The following PRKG1 variants were observed in gnomAD, a reference collection of about 807,000 sequenced individuals.
PRKG1 encodes cGMP-dependent protein kinase 1.
A neutral mutation model predicts 88.1 loss-of-function variants in PRKG1; 35 were observed. The observed-to-expected ratio is 0.40, with a 90% CI of 0.30 to 0.53. PRKG1 has a LOEUF of 0.53. Among genes scored for constraint, PRKG1 ranks in the 20% least tolerant of loss-of-function variants. PRKG1 has a pLI of 0.59. For synonymous variants in PRKG1, 303 were observed against 292.5 expected (o/e 1.04, Z -0.37); for missense variants, 540 against 839.8 (o/e 0.64, Z 4.41).
intron 2 of PRKG1, among the ~76,000 whole-genome samples, chr10:51,255,011 G>A (rs1839520707): frequency 1.3e-5 from 2 of 152,058 alleles, no homozygotes; most frequent in Non-Finnish European, 2.9e-5. Flanking sequence ...ATGGATGTAA[G>A]TGATGATTTT....
chr10:51,854,606 GA>G (rs1330723930), intron 4 of PRKG1, among the ~76,000 whole-genome samples: 2 of 151,880 alleles, frequency 1.3e-5, no homozygotes, highest in African/African-American at 4.8e-5. Flanking sequence ...AGTTAAGTGA[GA>G]AAAAAAGAAG....
intron 2 of PRKG1, among the ~76,000 whole-genome samples, chr10:51,186,954 TTATATATATATA>T (rs3061211): frequency 1.5e-5 from 2 of 131,254 alleles, no homozygotes; most frequent in East Asian, 4.2e-4. Flanking sequence ...AGGCCCTGTG[TTATATATATATA>T]TATATATATA....
At chr10:51,174,653 G>A (rs1001669439) in intron 2 of PRKG1, among the ~76,000 whole-genome samples, 6 of 151,938 alleles carry the variant, frequency 3.9e-5, no homozygotes, top group African/African-American at 9.7e-5. Flanking sequence ...TTTTGAGTCC[G>A]TTGTGGTGCA....
intron 3 of PRKG1, among the ~76,000 whole-genome samples, chr10:51,664,756 C>T (rs1042975754): frequency 6.6e-6 from 1 of 152,166 alleles, no homozygotes; most frequent in Non-Finnish European, 1.5e-5. Flanking sequence ...CCTGACTCTA[C>T]AATTACTTAA....
intron 5 of PRKG1, among the ~76,000 whole-genome samples, chr10:52,007,389 T>C (rs2447636): frequency 0.77 from 106,404 of 138,180 alleles, 37,321 homozygotes; most frequent in East Asian, 0.93. Flanking sequence ...ACCCACCTCA[T>C]ATACAATAAC....
chr10:52,256,956 T>G lies in PRKG1; in HGVS notation c.1173+5290T>G, dbSNP rs530569909. Reference sequence around the variant, plus strand: ...ATTCATCCATTTCACTTCTAAATTGTGAAGCCCCACCTCTTAACCTCTCAA... The same window carrying G: ...ATTCATCCATTTCACTTCTAAATTGGGAAGCCCCACCTCTTAACCTCTCAA... On this transcript the variant is annotated intron_variant, in intron 10 of 17. Coordinates refer to ENST00000373980, the MANE Select transcript of PRKG1 (RefSeq NM_006258.4). 4.0e-4 allele frequency among the ~76,000 whole-genome samples: 56 copies of G among 139,410 alleles called. 4 individuals carry two copies. Among genetic ancestry groups the G allele is most frequent in the African/African-American group, 1.3e-3 (54 of 40,348 alleles). 91.5% of individuals were successfully genotyped at this position (139,410 alleles called of 152,430 possible).
intron 3 of PRKG1, among the ~76,000 whole-genome samples, chr10:51,540,153 G>T (rs10998013): frequency 0.44 from 66,112 of 151,846 alleles, 14,812 homozygotes; most frequent in Non-Finnish European, 0.48. Flanking sequence ...CATACAAATT[G>T]GACATATTGC....
intron 5 of PRKG1, among the ~76,000 whole-genome samples, chr10:52,001,446 T>A (rs936726533): frequency 8.6e-5 from 13 of 151,962 alleles, no homozygotes; most frequent in African/African-American, 3.1e-4. Flanking sequence ...TATACCTACA[T>A]CCAAACATCA....
chr10:51,832,825 G>A (rs981331611), intron 4 of PRKG1, among the ~76,000 whole-genome samples: 5 of 152,134 alleles, frequency 3.3e-5, no homozygotes, highest in Non-Finnish European at 1.5e-5. Context: ...GGAAATGCAT[G>A]ATGATCAAAT....
At chr10:51,418,577 A>T (rs928343959) in intron 2 of PRKG1, among the ~76,000 whole-genome samples, 6 of 152,204 alleles carry the variant, frequency 3.9e-5, no homozygotes, top group African/African-American at 1.4e-4. Context: ...AAATGAAATA[A>T]GCAAAGATGA....
At chr10:51,425,226 C>T (rs1271990301) in intron 2 of PRKG1, among the ~76,000 whole-genome samples, 2 of 152,144 alleles carry the variant, frequency 1.3e-5, no homozygotes, top group African/African-American at 4.8e-5. Context: ...ATAGTAATCT[C>T]TTAAGGAATG....
intron 1 of PRKG1, among the ~76,000 whole-genome samples, chr10:51,129,896 C>T (rs1845521548): frequency 6.6e-6 from 1 of 152,144 alleles, no homozygotes; most frequent in African/African-American, 2.4e-5. Flanking sequence ...CCAGGAGCCT[C>T]AAGGTGTAGG....
intron 5 of PRKG1, among the ~76,000 whole-genome samples, chr10:51,943,293 AC>A (rs1842951181): frequency 6.6e-6 from 1 of 151,820 alleles, no homozygotes; most frequent in Non-Finnish European, 1.5e-5. Flanking sequence ...TGATTTTTGT[AC>A]ATTGATTTTG....
intron 7 of PRKG1, among the ~76,000 whole-genome samples, chr10:52,114,795 C>T (rs187584748): frequency 2.4e-3 from 369 of 152,038 alleles, no homozygotes; most frequent in African/African-American, 8.6e-3. Context: ...AGAGTAGGTG[C>T]TCAATTAAGT....
chr10:51,326,159 T>C (rs1380173967), intron 2 of PRKG1, among the ~76,000 whole-genome samples: 1 of 152,216 alleles, frequency 6.6e-6, no homozygotes. Flanking sequence ...ATTATGTGTT[T>C]CTATTAAAGA....
At chr10:51,803,334 A>T (rs1252759146) in intron 3 of PRKG1, among the ~76,000 whole-genome samples, 3 of 152,098 alleles carry the variant, frequency 2.0e-5, no homozygotes, top group African/African-American at 7.2e-5. Flanking sequence ...TTTTTCTTTA[A>T]TATAGAGTTG....
chr10:51,826,099 T>C (rs1839875702), intron 4 of PRKG1, among the ~76,000 whole-genome samples: 1 of 152,144 alleles, frequency 6.6e-6, no homozygotes, highest in African/African-American at 2.4e-5. Flanking sequence ...TATCATCTCT[T>C]TCTCAGATGG....
intron 4 of PRKG1, among the ~76,000 whole-genome samples, chr10:51,842,608 G>A (rs181828259): frequency 6.6e-5 from 10 of 152,174 alleles, no homozygotes; most frequent in African/African-American, 1.7e-4. Flanking sequence ...CATGTGAGTG[G>A]AATTTAGCAC....
chr10:52,273,780 T>C (rs1394565346), intron 12 of PRKG1, among the ~76,000 whole-genome samples: 1 of 152,170 alleles, frequency 6.6e-6, no homozygotes, highest in African/African-American at 2.4e-5. Context: ...TATATCATAG[T>C]GTATATATTA....
Sources: gnomAD v4.1 joint callset for allele counts (sites outside exome capture counted in the v4.1 genomes callset) on GRCh38, gnomAD v4.1.1 for gene constraint, MANE v1.5 for transcripts, NCBI Gene and HGNC (gene_info 2026-07-23, HGNC 2026-07-21) for gene names.